Variants in SYNJ1 observed in about 807,000 individuals in gnomAD.
SYNJ1 encodes polyphosphatidylinositol phosphatase SYNJ1.
In SYNJ1, 78 loss-of-function variants were observed where a neutral mutation model predicts 168.2. The ratio of observed to expected loss-of-function variants is 0.46; its 90% CI spans 0.39 to 0.56. The LOEUF (loss-of-function observed/expected upper bound fraction) is 0.56, where lower values mean the gene tolerates loss of function less well. SYNJ1 is among the 20% of genes least tolerant of loss of function. The probability of loss-of-function intolerance (pLI) is 0.00; values close to 1 mark genes in which losing one functional copy is unlikely to be tolerated. For missense variants in SYNJ1, 1,303 were observed against 1,597.6 expected (o/e 0.82, Z 3.14); for synonymous variants, 539 against 548.6 (o/e 0.98, Z 0.24).
intron 2 of SYNJ1, among the ~76,000 whole-genome samples, chr21:32,719,129 C>T (rs1802201920): frequency 6.6e-6 from 1 of 152,138 alleles, no homozygotes; most frequent in South Asian, 2.1e-4. Flanking sequence ...TGTCAAATGC[C>T]ACATCTCCTG....
intron 6 of SYNJ1, among the ~76,000 whole-genome samples, chr21:32,693,135 T>C (rs2042084839): frequency 6.6e-6 from 1 of 152,100 alleles, no homozygotes; most frequent in Non-Finnish European, 1.5e-5. Flanking sequence ...TATTAGAATC[T>C]CTAACACTAG....
At chr21:32,647,899 C>T (rs1016242542) in intron 23 of SYNJ1, among the ~76,000 whole-genome samples, 3 of 152,176 alleles carry the variant, frequency 2.0e-5, no homozygotes, top group African/African-American at 7.2e-5. Flanking sequence ...CTTCCCCTCA[C>T]CCTTTGCTCT....
At chr21:32,699,760 G>A (rs2042333577) in intron 4 of SYNJ1, 78 bp downstream of exon 4, 18 of 1,517,884 alleles carry the variant, frequency 1.2e-5, no homozygotes, top group South Asian at 6.7e-5. Context: ...TGCTGTCACG[G>A]TGAGGAGGTT....
At chr21:32,687,921 G>T (rs541433645) in intron 7 of SYNJ1, among the ~76,000 whole-genome samples, 7 of 152,148 alleles carry the variant, frequency 4.6e-5, no homozygotes, top group African/African-American at 1.7e-4. Flanking sequence ...TGAGTATACC[G>T]AACATGATTT....
chr21:32,684,200 T>C (rs2041736315), intron 9 of SYNJ1, 81 bp from the exon 10 acceptor site: 2 of 1,338,972 alleles, frequency 1.5e-6, no homozygotes, highest in African/African-American at 2.9e-5. Context: ...GTAATTAAAA[T>C]GTAGCATCCA....
At chr21:32,659,643 T>C (rs181309524) in intron 18 of SYNJ1, among the ~76,000 whole-genome samples, 3 of 152,272 alleles carry the variant, frequency 2.0e-5, no homozygotes, top group Admixed American at 1.3e-4. Context: ...GCTTGCTCAA[T>C]TGATCATGAC....
chr21:32,650,433 A>G (rs2040233901), intron 22 of SYNJ1, 87 bp from the exon 23 acceptor site: 2 of 1,173,662 alleles, frequency 1.7e-6, no homozygotes, highest in Non-Finnish European at 2.4e-6. Flanking sequence ...TAAACTATGC[A>G]ATGGTATAGA....
Position 32,631,853 on chromosome 21 carries a change from C to G in SYNJ1, c.*4-52G>C, listed in dbSNP as rs904228600. On this transcript the variant is annotated intron_variant, in intron 32 of 32. Transcript: ENST00000674351. ...ATCAGTTTATATTTACTCTTAATAC[C>G]CCCTATTCTTCCTGTCTCAATTATT... 2.3e-5 allele frequency: 34 copies of G among 1,447,010 alleles called. No individual in the cohort carries two copies. The Middle Eastern group carries it at 1.3e-3, about 55-fold the overall frequency. The allele number at this position is 1,447,010 out of a possible 1,614,324, so 89.6% of individuals were successfully genotyped here. A position where few individuals can be genotyped will look rare whatever the true frequency, so the allele number is the denominator to read the frequency against.
chr21:32,670,352 C>T lies in SYNJ1; in HGVS notation c.1747G>A (p.Asp583Asn). 4 of 1,613,250 alleles carry T rather than the reference C, an allele frequency of 2.5e-6. No homozygotes were observed. Among genetic ancestry groups the T allele is most frequent in the African/African-American group, 1.3e-5 (1 of 75,030 alleles). ...EFQDKRSKPT[D>N]IFAIGFEEMV... ...TCTTCAAAACCAATTGCAAATATAT[C>T]AGTTGGCTTACTTCTTTTATCTAAA... The change falls in exon 15 of 33, where the codon GAT becomes AAT. Residue 583 changes from aspartate to asparagine, a missense_variant. Asp to Asn is a conservative substitution (Grantham distance 23). Coordinates refer to ENST00000674351, the MANE Select transcript of SYNJ1 (RefSeq NM_203446.3).
Position 32,649,428 on chromosome 21 carries a change from G to A in SYNJ1, c.3037+756C>T, listed in dbSNP as rs185591361. 5.3e-5 allele frequency among the ~76,000 whole-genome samples: 8 copies of A among 152,308 alleles called. No individual in the cohort carries two copies. In the East Asian group the frequency reaches 1.3e-3, roughly 26 times the overall value. On this transcript the variant is annotated intron_variant, in intron 23 of 32. Coordinates refer to ENST00000674351, the MANE Select transcript of SYNJ1 (RefSeq NM_203446.3). ...AAAACTGGCTAGAATAGCATATTGT[G>A]TTAGAAAACAAATGCATTTAAAAAT...
At chr21:32,697,233 C>G (rs901443368) in intron 4 of SYNJ1, among the ~76,000 whole-genome samples, 2 of 152,150 alleles carry the variant, frequency 1.3e-5, no homozygotes, top group Admixed American at 1.3e-4. Context: ...TCACAGGTAT[C>G]TGCCACTCTT....
At chr21:32,690,716 A>G (rs2041992695) in intron 6 of SYNJ1, among the ~76,000 whole-genome samples, 1 of 152,122 alleles carries the variant, frequency 6.6e-6, no homozygotes, top group Non-Finnish European at 1.5e-5. Context: ...TGAGGTCAGG[A>G]GTTTGAGACC....
chr21:32,670,208 G>C (rs1401769832), intron 15 of SYNJ1, 80 bp downstream of exon 15: 1 of 1,135,934 alleles, frequency 8.8e-7, no homozygotes. Context: ...AACTATCCTT[G>C]TAACAATTAC....
intron 23 of SYNJ1, among the ~76,000 whole-genome samples, chr21:32,647,535 C>CA (rs1230641461): frequency 4.6e-5 from 7 of 152,212 alleles, no homozygotes; most frequent in Non-Finnish European, 8.8e-5. Context: ...CCCAGCTTTT[C>CA]AGTTCTCTCC....
intron 3 of SYNJ1, among the ~76,000 whole-genome samples, chr21:32,701,423 G>A (rs918820660): frequency 3.3e-5 from 5 of 151,780 alleles, no homozygotes; most frequent in African/African-American, 9.7e-5. Context: ...ATCTTATCAC[G>A]GATCAATAAC....
At chr21:32,685,041 G>C (rs1280616874) in intron 9 of SYNJ1, among the ~76,000 whole-genome samples, 5 of 151,846 alleles carry the variant, frequency 3.3e-5, no homozygotes, top group Non-Finnish European at 5.9e-5. Context: ...AAACAGCCGG[G>C]AGTGGTGGCG....
intron 13 of SYNJ1, among the ~76,000 whole-genome samples, chr21:32,674,753 G>A (rs1050193795): frequency 1.3e-5 from 2 of 151,852 alleles, no homozygotes; most frequent in South Asian, 2.1e-4. Flanking sequence ...GTAGCTAACC[G>A]GTAACAGGAA....
rs543814657 is a variant in SYNJ1, at chr21:32,694,183, G to C, written c.789+45C>G. On this transcript the variant is annotated intron_variant, in intron 6 of 32. Coordinates refer to ENST00000674351, the MANE Select transcript of SYNJ1 (RefSeq NM_203446.3). Reference sequence around the variant, plus strand: ...ACTATCCAGAAAGTTTAGAAAATATGAAAATTGTTCAAAAAACAAAAATAA... The same window carrying C: ...ACTATCCAGAAAGTTTAGAAAATATCAAAATTGTTCAAAAAACAAAAATAA... 55 of 1,360,564 alleles carry C rather than the reference G, an allele frequency of 4.0e-5. 1 individual carries two copies. In the South Asian group the frequency reaches 6.0e-4, roughly 15 times the overall value. 84.3% of individuals were successfully genotyped at this position (1,360,564 alleles called of 1,614,324 possible). A position where few individuals can be genotyped will look rare whatever the true frequency, so the allele number is the denominator to read the frequency against.
Position 32,650,271 on chromosome 21 carries a change from C to T in SYNJ1, c.2950G>A (p.Glu984Lys). The T allele has an allele frequency of 6.2e-7, 1 of 1,614,012 alleles. No homozygotes were observed. Among genetic ancestry groups the T allele is most frequent in the Non-Finnish European group, 8.5e-7 (1 of 1,179,974 alleles). Reference protein sequence around the residue: ...IKNLEEEMSLEKISIALPSST... With the variant: ...IKNLEEEMSLKKISIALPSST... The stretch of plus-strand genomic sequence containing the variant: ...GATGGCAATGCAATGCTAATTTTCT[C>T]TAAACTCATTTCTTCTTCCAAATTT... The change falls in exon 23 of 33, where the codon GAG becomes AAG. Residue 984 changes from glutamate to lysine, a missense_variant. Around this residue, in one of 2 missense-constraint regions of SYNJ1, gnomAD observed 920 missense variants for 1,208.8 expected, o/e 0.76. Coordinates refer to ENST00000674351, the MANE Select transcript of SYNJ1 (RefSeq NM_203446.3).
Sources: allele counts gnomAD v4.1 joint callset (sites outside exome capture counted in the v4.1 genomes callset), GRCh38; gene constraint gnomAD v4.1.1; regional missense constraint gnomAD v4.1.1; transcripts MANE v1.5; gene names NCBI Gene and HGNC (gene_info 2026-07-23, HGNC 2026-07-21).